The following SIPA1L3 variants were observed in gnomAD, a reference collection of about 807,000 sequenced individuals.
SIPA1L3 encodes the protein signal-induced proliferation-associated 1-like protein 3.
In SIPA1L3, 59 loss-of-function variants were observed where a neutral mutation model predicts 150.1. The ratio of observed to expected loss-of-function variants is 0.39; its 90% CI spans 0.32 to 0.49. SIPA1L3 has a LOEUF of 0.49. SIPA1L3 is among the 20% of genes least tolerant of loss of function. The probability of loss-of-function intolerance (pLI) is 0.86; values close to 1 mark genes in which losing one functional copy is unlikely to be tolerated. For synonymous variants in SIPA1L3, 1,070 were observed against 1,077.6 expected, an observed-to-expected ratio of 0.99 and a Z score of 0.14; for missense variants, 2,211 against 2,489.5, an observed-to-expected ratio of 0.89 and a Z score of 2.38.
chr19:38,070,052 C>A (rs1399736889), intron 2 of SIPA1L3, among the ~76,000 whole-genome samples: 1 of 151,978 alleles, frequency 6.6e-6, no homozygotes, highest in Non-Finnish European at 1.5e-5. Context: ...CCGAGCATCC[C>A]CATCTGGCCT....
chr19:37,933,763 C>T (rs1330340206), intron 1 of SIPA1L3, among the ~76,000 whole-genome samples: 1 of 152,208 alleles, frequency 6.6e-6, no homozygotes, highest in African/African-American at 2.4e-5. Flanking sequence ...CCTGCAACCC[C>T]TGCAGTCTGT....
At chr19:38,008,790 C>T (rs1014480076) in intron 1 of SIPA1L3, among the ~76,000 whole-genome samples, 1 of 151,946 alleles carries the variant, frequency 6.6e-6, no homozygotes, top group African/African-American at 2.4e-5. Flanking sequence ...GAACTCCTGG[C>T]CTCAAGCAAT....
intron 1 of SIPA1L3, among the ~76,000 whole-genome samples, chr19:37,997,891 AAG>A (rs1207409219): frequency 3.3e-5 from 5 of 151,486 alleles, no homozygotes; most frequent in East Asian, 1.9e-4. Flanking sequence ...AGAAAAGAAA[AAG>A]AGAGAGAGAG....
chr19:37,931,001 CAT>C (rs1304769234), intron 1 of SIPA1L3, among the ~76,000 whole-genome samples: 1 of 152,128 alleles, frequency 6.6e-6, no homozygotes, highest in Non-Finnish European at 1.5e-5. Flanking sequence ...TCAGAATAGA[CAT>C]TGTTTACATT....
At chr19:38,077,910 A>G (rs911964097) in intron 2 of SIPA1L3, among the ~76,000 whole-genome samples, 1 of 151,562 alleles carries the variant, frequency 6.6e-6, no homozygotes, top group African/African-American at 2.4e-5. Flanking sequence ...ACCTCAGGCA[A>G]TCCACTTACC....
At chr19:38,145,134 C>CTGT (rs139738083) in intron 12 of SIPA1L3, among the ~76,000 whole-genome samples, 3 of 151,662 alleles carry the variant, frequency 2.0e-5, no homozygotes, top group Non-Finnish European at 4.4e-5. Context: ...CTCTTGGGAA[C>CTGT]TGTTGTTGTT....
chr19:37,948,163 T>C (rs2046729481), intron 1 of SIPA1L3, among the ~76,000 whole-genome samples: 2 of 152,192 alleles, frequency 1.3e-5, no homozygotes, highest in South Asian at 2.1e-4. Context: ...TCAAGCACAA[T>C]TGAGAACAAG....
At chr19:38,204,821 G>A (rs891674034) in intron 21 of SIPA1L3, among the ~76,000 whole-genome samples, 4 of 152,076 alleles carry the variant, frequency 2.6e-5, no homozygotes, top group Admixed American at 2.0e-4. Flanking sequence ...GAATTTATCC[G>A]TGACAGCATG....
intron 2 of SIPA1L3, among the ~76,000 whole-genome samples, chr19:38,059,611 T>A (rs950769686): frequency 2.6e-5 from 4 of 152,102 alleles, no homozygotes; most frequent in Admixed American, 6.6e-5. Context: ...ACAAAAGACT[T>A]TAAAATTCTG....
At chr19:38,198,852 G>A (rs1228552780) in intron 19 of SIPA1L3, among the ~76,000 whole-genome samples, 1 of 152,236 alleles carries the variant, frequency 6.6e-6, no homozygotes, top group South Asian at 2.1e-4. Context: ...CACTCTGAGA[G>A]TCCAAGGCAG....
intron 6 of SIPA1L3, among the ~76,000 whole-genome samples, chr19:38,104,921 G>C (rs1970587730): frequency 6.6e-6 from 1 of 152,090 alleles, no homozygotes; most frequent in Non-Finnish European, 1.5e-5. Context: ...CTCCTGGAAT[G>C]AGTTTCCCCA....
intron 1 of SIPA1L3, among the ~76,000 whole-genome samples, chr19:37,994,498 C>T (rs1967586312): frequency 6.6e-6 from 1 of 152,154 alleles, no homozygotes. Context: ...TGCCTCTCTC[C>T]TCCTTGGCTC....
chr19:38,029,035 G>T (rs1219584654), intron 1 of SIPA1L3, 54 bp from the exon 2 acceptor site: 1 of 152,076 alleles, frequency 6.6e-6, no homozygotes, highest in Non-Finnish European at 1.5e-5. Flanking sequence ...GGGTATTACT[G>T]CAGGAAGGCT....
intron 1 of SIPA1L3, among the ~76,000 whole-genome samples, chr19:37,927,654 GGTGTGTGTGTGTGTGTGTGT>G (rs57987208): frequency 2.2e-5 from 3 of 136,738 alleles, no homozygotes; most frequent in Non-Finnish European, 3.1e-5. Flanking sequence ...AAGAACATGG[GGTGTGTGTGTGTGTGTGTGT>G]GTGTGTGTGT....
At chr19:38,199,591 AAC>A (rs1973039986) in intron 19 of SIPA1L3, among the ~76,000 whole-genome samples, 1 of 151,916 alleles carries the variant, frequency 6.6e-6, no homozygotes, top group Non-Finnish European at 1.5e-5. Flanking sequence ...TAATAGATGA[AAC>A]ACAGAAGGTT....
At chr19:37,923,188 C>T (rs950861381) in intron 1 of SIPA1L3, among the ~76,000 whole-genome samples, 3 of 151,488 alleles carry the variant, frequency 2.0e-5, no homozygotes, top group African/African-American at 4.8e-5. Context: ...GTGATAAGTG[C>T]GAGGGAGCAG....
At chr19:37,934,388 G>A (rs1161332178) in intron 1 of SIPA1L3, among the ~76,000 whole-genome samples, 1 of 152,204 alleles carries the variant, frequency 6.6e-6, no homozygotes, top group Non-Finnish European at 1.5e-5. Context: ...CAGTGCGGGA[G>A]TTTGGGGTTG....
In SIPA1L3 at chr19:38,207,425, G is replaced by GAC. The variant is rs1555798770; in HGVS notation, c.*1186_*1187insCA. ...CCTTCTTTAAAAGCAAACAGAAAAAGATATATATATATATATATATATATT... is the reference window on the plus strand; with the variant it reads ...CCTTCTTTAAAAGCAAACAGAAAAAGACATATATATATATATATATATATATT... On this transcript the variant is annotated 3_prime_UTR_variant, in exon 22 of 22. Coordinates refer to ENST00000222345, the MANE Select transcript of SIPA1L3 (RefSeq NM_015073.3). 6 of 139,176 alleles carry GAC rather than the reference G, an allele frequency of 4.3e-5. No individual in the cohort carries two copies. The highest frequency in any genetic ancestry group is 2.3e-4 in the South Asian group (1 of 4,358). The allele number at this position is 139,176 out of a possible 1,614,324, so 8.6% of individuals were successfully genotyped here. A position where few individuals can be genotyped will look rare whatever the true frequency, so the allele number is the denominator to read the frequency against.
In SIPA1L3 at chr19:38,189,373, C is replaced by G. The variant is rs368405579; in HGVS notation, c.4431-2772C>G. ...TCCGCACTCCTGGGCTCAAGTGATC[C>G]TCCCACTTACGCCTCCCAAAGTGCT... is the stretch of plus-strand genomic sequence containing the variant. On this transcript the variant is annotated intron_variant, in intron 16 of 21. Coordinates refer to ENST00000222345, the MANE Select transcript of SIPA1L3 (RefSeq NM_015073.3). Among the ~76,000 whole-genome samples, 3 of 152,230 alleles carry G rather than the reference C, an allele frequency of 2.0e-5. 1 individual carries two copies. The highest frequency in any genetic ancestry group is 4.4e-5 in the Non-Finnish European group (3 of 67,996).
Sources: allele counts gnomAD v4.1 joint callset (sites outside exome capture counted in the v4.1 genomes callset), GRCh38; gene constraint gnomAD v4.1.1; transcripts MANE v1.5; gene names NCBI Gene and HGNC (gene_info 2026-07-23, HGNC 2026-07-21).